The following NCAPD3 variants were observed in gnomAD, a reference collection of about 807,000 sequenced individuals.
NCAPD3 encodes condensin-2 complex subunit D3.
A neutral mutation model predicts 182.9 loss-of-function variants in NCAPD3; 105 were observed. The ratio of observed to expected loss-of-function variants is 0.57; its 90% CI spans 0.49 to 0.68. The LOEUF is 0.68. NCAPD3 is among the 30% of genes least tolerant of loss of function. The pLI, the probability that NCAPD3 is intolerant of heterozygous loss-of-function variation, is 0.00. For missense variants in NCAPD3, 1,944 were observed against 1,837.0 expected (o/e 1.06, Z -1.07); for synonymous variants, 815 against 679.9 (o/e 1.20, Z -3.09).
At chr11:134,185,573 C>T (rs1192820185) in intron 16 of NCAPD3, 47 bp from the exon 17 acceptor site, 1 of 1,463,820 alleles carries the variant, frequency 6.8e-7, no homozygotes, top group Non-Finnish European at 9.3e-7. Context: ...TGTAAATATA[C>T]AAAATGATTC....
rs757087344 is a variant in NCAPD3, at chr11:134,210,407, T to A, written c.430A>T (p.Ile144Phe). The change falls in exon 4 of 35, where the codon ATT becomes TTT. Residue 144 changes from isoleucine to phenylalanine, a missense_variant. By Grantham distance (21) the Ile-to-Phe change is conservative (BLOSUM62 0). This residue lies in a region of NCAPD3 where 1,803 missense variants were observed against 1,674.6 expected (regional missense o/e 1.08). Coordinates refer to ENST00000534548, the MANE Select transcript of NCAPD3 (RefSeq NM_015261.3). ...GGCCAGCTCTTCTTTAGAGTCTGAATGCATTTGTCAAACATCACTGGGTGG... is the reference window on the plus strand; with the variant it reads ...GGCCAGCTCTTCTTTAGAGTCTGAAAGCATTTGTCAAACATCACTGGGTGG... ...VFHPVMFDKC[I>F]QTLKKSWPQE... The A allele has an allele frequency of 1.2e-6, 2 of 1,614,098 alleles. No individual in the cohort carries two copies. Among genetic ancestry groups the A allele is most frequent in the Non-Finnish European group, 1.7e-6 (2 of 1,180,024 alleles).
intron 1 of NCAPD3, 41 bp from the exon 2 acceptor site, chr11:134,220,767 A>T (rs772053777): frequency 1.7e-5 from 27 of 1,567,496 alleles, no homozygotes; most frequent in Non-Finnish European, 2.3e-5. Flanking sequence ...ACTCTGTAAC[A>T]AGTAAAAAAA....
chr11:134,158,269 C>T (rs547573294), intron 30 of NCAPD3, 60 bp downstream of exon 30: 72 of 1,589,688 alleles, frequency 4.5e-5, no homozygotes, highest in African/African-American at 2.3e-4. Flanking sequence ...ATGGCAGGGA[C>T]GCCTCTGAGA....
chr11:134,155,969 G>A (rs1943407901), intron 32 of NCAPD3, among the ~76,000 whole-genome samples: 2 of 152,322 alleles, frequency 1.3e-5, no homozygotes, highest in South Asian at 4.1e-4. Flanking sequence ...AACCAAACAA[G>A]CAAGTAGCTA....
At chr11:134,218,994 G>A (rs968280721) in intron 2 of NCAPD3, among the ~76,000 whole-genome samples, 4 of 152,174 alleles carry the variant, frequency 2.6e-5, no homozygotes, top group Non-Finnish European at 2.9e-5. Flanking sequence ...CATGCAGGAC[G>A]CTTAGAACAA....
rs749807179 is a variant in NCAPD3, at chr11:134,184,669, T to G, written c.2419A>C (p.Arg807=). ...SAVDALQRLC[R]ASAETPAEEQ... The stretch of plus-strand genomic sequence containing the variant: ...TCTGCTGGTGTCTCTGCAGATGCTC[T>G]ACAAAGCCTCTGCAAGGCGTCAACA... Residue 807 remains arginine (R), a synonymous_variant, in exon 19 of 35, where the codon AGA becomes CGA. Transcript: ENST00000534548. 17 of 1,613,708 alleles carry G rather than the reference T, an allele frequency of 1.1e-5. No individual in the cohort carries two copies. The highest frequency in any genetic ancestry group is 1.7e-4 in the Middle Eastern group (1 of 6,040).
chr11:134,210,305 T>C lies in NCAPD3; in HGVS notation c.532A>G (p.Lys178Glu). The C allele has an allele frequency of 6.2e-7, 1 of 1,613,938 alleles. No homozygotes were observed. Among genetic ancestry groups the C allele is most frequent in the South Asian group, 1.1e-5 (1 of 91,068 alleles). Residue 178 changes from lysine (K) to glutamate (E), a missense_variant, in exon 4 of 35, where the codon AAA becomes GAA. Coordinates refer to ENST00000534548, the MANE Select transcript of NCAPD3 (RefSeq NM_015261.3). ...TCTCTCCTGGGTGGCTTTCCCCTTT[T>C]TCTATGCCTCCCGGGGTTAGCCTGA... ...SSQANPGRHR[K>E]RGKPPRREDI...
intron 1 of NCAPD3, among the ~76,000 whole-genome samples, chr11:134,221,293 A>G (rs1374640300): frequency 6.6e-6 from 1 of 152,218 alleles, no homozygotes; most frequent in Non-Finnish European, 1.5e-5. Context: ...GAGGAGGGGT[A>G]TTAAGACAGC....
rs1425534608 is a variant in NCAPD3, at chr11:134,158,457, G to A, written c.3906C>T (p.Gly1302=). 1 of 1,614,000 alleles carries A rather than the reference G, an allele frequency of 6.2e-7. No individual in the cohort carries two copies. Among genetic ancestry groups the A allele is most frequent in the Non-Finnish European group, 8.5e-7 (1 of 1,180,052 alleles). The change falls in exon 30 of 35, where the codon GGC becomes GGT. Residue 1302 remains glycine, a synonymous_variant. Coordinates refer to ENST00000534548, the MANE Select transcript of NCAPD3 (RefSeq NM_015261.3). The stretch of plus-strand genomic sequence containing the variant: ...CAGGTGACATGGCAGGGTTTTCTTG[G>A]CCAGCAGGAACTGGCACTGTTTCTA... ...LCLETVPVPA[G]QENPAMSPAV... is the part of the protein sequence containing the mutation.
At chr11:134,176,678 C>A (rs942273911) in intron 23 of NCAPD3, among the ~76,000 whole-genome samples, 2 of 152,144 alleles carry the variant, frequency 1.3e-5, no homozygotes, top group African/African-American at 4.8e-5. Flanking sequence ...CAGAACATAC[C>A]AGGACAGACA....
At chr11:134,155,333 A>G (rs1349919378) in intron 32 of NCAPD3, among the ~76,000 whole-genome samples, 1 of 152,192 alleles carries the variant, frequency 6.6e-6, no homozygotes, top group Non-Finnish European at 1.5e-5. Flanking sequence ...GGACGTATAA[A>G]CCACAGAGAA....
chr11:134,176,282 C>T (rs1271951854), intron 24 of NCAPD3, 25 bp downstream of exon 24: 10 of 1,596,654 alleles, frequency 6.3e-6, no homozygotes, highest in South Asian at 2.2e-5. Flanking sequence ...ACTGTTGAGT[C>T]GTCTGACGTG....
intron 15 of NCAPD3, among the ~76,000 whole-genome samples, chr11:134,193,532 C>A (rs1944565374): frequency 6.6e-6 from 1 of 152,226 alleles, no homozygotes; most frequent in African/African-American, 2.4e-5. Flanking sequence ...GCAGGCGGGT[C>A]ACCTGAGGTC....
At chr11:134,189,238 C>T (rs985719087) in intron 16 of NCAPD3, among the ~76,000 whole-genome samples, 4 of 152,120 alleles carry the variant, frequency 2.6e-5, no homozygotes, top group African/African-American at 9.7e-5. Flanking sequence ...TGTCATATCT[C>T]GGCAGAAGTT....
At position 134,217,090 on chromosome 11, in the gene NCAPD3, C is replaced by T. The variant is rs1157123834; in HGVS notation, c.228G>A (p.Trp76Ter). 1 of 1,608,390 alleles carries T rather than the reference C, an allele frequency of 6.2e-7. No homozygotes were observed. Among genetic ancestry groups the T allele is most frequent in the Non-Finnish European group, 8.5e-7 (1 of 1,177,664 alleles). The change falls in exon 3 of 35, where the codon TGG (tryptophan) becomes TGA (stop). Residue 76 changes from tryptophan (W) to a stop codon, truncating the protein, a stop_gained. Transcript: ENST00000534548. LOFTEE classifies it high-confidence loss of function. ...TGEHGSMESI[W>*]TFFIENNVSH... The stretch of plus-strand genomic sequence containing the variant: ...AAACATTGTTCTCAATGAAGAAGGT[C>T]CAGATACTCTGTGGGGAGACCGCAA...
At chr11:134,165,168 G>A (rs1943734521) in intron 27 of NCAPD3, among the ~76,000 whole-genome samples, 1 of 150,638 alleles carries the variant, frequency 6.6e-6, no homozygotes, top group African/African-American at 2.4e-5. Flanking sequence ...ATGAGCTGAG[G>A]AGGAGCTGCA....
Position 134,159,886 on chromosome 11 carries a change from A to G in NCAPD3, c.3867+6T>C. ...CTGGTCACAGTGCAGTGGGCCCCAC[A>G]CCTACCTGTGCCACAGGTGCCACCT... On this transcript the variant is annotated splice_donor_region_variant and intron_variant, in intron 29 of 34. Coordinates refer to ENST00000534548, the MANE Select transcript of NCAPD3 (RefSeq NM_015261.3). 1.2e-6 allele frequency: 2 copies of G among 1,610,810 alleles called. No homozygotes were observed. The highest frequency in any genetic ancestry group is 8.5e-7 in the Non-Finnish European group (1 of 1,179,272).
At chr11:134,160,166 A>G in intron 28 of NCAPD3, 92 bp from the exon 29 acceptor site, 1 of 1,319,966 alleles carries the variant, frequency 7.6e-7, no homozygotes, top group South Asian at 1.4e-5. Context: ...TGTGTAACAA[A>G]CCTGCACATC....
intron 19 of NCAPD3, among the ~76,000 whole-genome samples, chr11:134,182,538 C>G (rs79828041): frequency 0.013 from 1,945 of 152,264 alleles, 35 homozygotes; most frequent in African/African-American, 0.044. Context: ...TTTGTGATAC[C>G]CTTATTTAAC....
Sources: allele counts gnomAD v4.1 joint callset (sites outside exome capture counted in the v4.1 genomes callset), GRCh38; gene constraint gnomAD v4.1.1; regional missense constraint gnomAD v4.1.1; transcripts MANE v1.5; gene names NCBI Gene and HGNC (gene_info 2026-07-23, HGNC 2026-07-21).